GALNT10: variants seen among roughly 807,000 people sequenced by gnomAD.
GALNT10 encodes GalNAc transferase 10.
GALNT10 carries 41 observed loss-of-function variants against 75.0 expected under a neutral mutation model. That is an observed-to-expected ratio of 0.55 (90% CI 0.43 to 0.71). The LOEUF (loss-of-function observed/expected upper bound fraction) is 0.71, where lower values mean the gene tolerates loss of function less well. Ranked by LOEUF, GALNT10 falls within the 30% of genes least tolerant of loss-of-function variation. The pLI, the probability that GALNT10 is intolerant of heterozygous loss-of-function variation, is 0.00. For synonymous variants in GALNT10, 302 were observed against 313.0 expected, an observed-to-expected ratio of 0.96 and a Z score of 0.37; for missense variants, 727 against 818.5, an observed-to-expected ratio of 0.89 and a Z score of 1.36.
Position 154,191,009 on chromosome 5 carries a change from C to G in GALNT10, c.143C>G (p.Ala48Gly). 2 of 1,468,878 alleles carry G rather than the reference C, an allele frequency of 1.4e-6. No homozygotes were observed. The highest frequency in any genetic ancestry group is 1.8e-6 in the Non-Finnish European group (2 of 1,106,674). The allele number at this position is 1,468,878 out of a possible 1,614,324, so 91.0% of individuals were successfully genotyped here. A position where few individuals can be genotyped will look rare whatever the true frequency, so the allele number is the denominator to read the frequency against. Residue 48 changes from alanine to glycine, a missense_variant, in exon 1 of 12, where the codon GCG (alanine) becomes GGG (glycine). Physicochemically the swap from Ala to Gly is moderately conservative, Grantham distance 60. Coordinates refer to ENST00000297107, the MANE Select transcript of GALNT10 (RefSeq NM_198321.4). ...CCTGGGGGATCGGGGGCGGCGGTGG[C>G]GCCGGCGGCGGGACAGGTGAGTCCC... ...GTPGGSGAAV[A>G]PAAGQGSHSR...
chr5:154,244,028 TA>T (rs1753383520), intron 1 of GALNT10, among the ~76,000 whole-genome samples: 1 of 152,088 alleles, frequency 6.6e-6, no homozygotes, highest in African/African-American at 2.4e-5. Flanking sequence ...AGTGGGTGAG[TA>T]GCAGCACCAG....
rs371231988 is a variant in GALNT10, at chr5:154,239,494, G to C, written c.159+48469G>C. 5.5e-4 allele frequency among the ~76,000 whole-genome samples: 84 copies of C among 152,346 alleles called. No individual in the cohort carries two copies. The Middle Eastern group carries it at 0.01, about 19-fold the overall frequency. On this transcript the variant is annotated intron_variant, in intron 1 of 11. Transcript: ENST00000297107. The stretch of plus-strand genomic sequence containing the variant: ...GCCAAACCCTATGGTGAACGTGCAT[G>C]CAAGGGATCCAGGTTGCACACTATT...
chr5:154,311,423 C>T (rs544423310), intron 3 of GALNT10, among the ~76,000 whole-genome samples: 14 of 152,266 alleles, frequency 9.2e-5, no homozygotes, highest in African/African-American at 3.4e-4. Flanking sequence ...TGGGGAACAT[C>T]ACTAGCTCCA....
chr5:154,216,030 G>A (rs1752867697), intron 1 of GALNT10, among the ~76,000 whole-genome samples: 1 of 152,092 alleles, frequency 6.6e-6, no homozygotes, highest in South Asian at 2.1e-4. Flanking sequence ...CTGAAGTGGA[G>A]GGGAAACCTG....
intron 3 of GALNT10, among the ~76,000 whole-genome samples, chr5:154,323,202 G>A (rs533901551): frequency 5.3e-5 from 8 of 152,016 alleles, no homozygotes; most frequent in Non-Finnish European, 1.0e-4. Flanking sequence ...ATGTTGTTTC[G>A]TTTTGTTAAA....
In GALNT10 at chr5:154,283,155, C is replaced by T. The variant is rs868508902; in HGVS notation, c.160-11661C>T. 2.0e-5 allele frequency among the ~76,000 whole-genome samples: 3 copies of T among 151,682 alleles called. No individual in the cohort carries two copies. In the South Asian group the frequency reaches 6.2e-4, roughly 32 times the overall value. The stretch of plus-strand genomic sequence containing the variant: ...TATCTAAGAAATCGTTATATAAGAA[C>T]AAGAGAGGCTGGGCATGATGGCTCA... On this transcript the variant is annotated intron_variant, in intron 1 of 11. Transcript: ENST00000297107.
intron 4 of GALNT10, among the ~76,000 whole-genome samples, chr5:154,362,452 T>C (rs1694316976): frequency 6.6e-6 from 1 of 152,020 alleles, no homozygotes; most frequent in South Asian, 2.1e-4. Flanking sequence ...ACTGCTAGGG[T>C]AGGGGGAAAA....
In GALNT10 at chr5:154,420,133, G is replaced by C. The variant is rs1328716518; in HGVS notation, c.*3161G>C. On this transcript the variant is annotated 3_prime_UTR_variant, in exon 12 of 12. Coordinates refer to ENST00000297107, the MANE Select transcript of GALNT10 (RefSeq NM_198321.4). ...GCTGTTAAAACAGTCAGAAACTATT[G>C]ATTCTTCCCTTTAGGAAAAAATGCT... The C allele has an allele frequency of 6.6e-6, 1 of 152,158 alleles. No individual in the cohort carries two copies. Among genetic ancestry groups the C allele is most frequent in the Non-Finnish European group, 1.5e-5 (1 of 68,046 alleles). The allele number at this position is 152,158 out of a possible 1,614,324, so 9.4% of individuals were successfully genotyped here.
rs1754963418 is a variant in GALNT10, at chr5:154,337,524, T to C, written c.568+7786T>C. ...GGTACTAGAACTGCCATAGGCACCT[T>C]GGTTTCATGGTTTGGCGAAGTATTG... On this transcript the variant is annotated intron_variant, in intron 4 of 11. Transcript: ENST00000297107. 10 of 741,686 alleles carry C rather than the reference T, an allele frequency of 1.3e-5. No individual in the cohort carries two copies. In the Middle Eastern group the frequency reaches 1.1e-3, roughly 84 times the overall value. 45.9% of individuals were successfully genotyped at this position (741,686 alleles called of 1,614,324 possible). A position where few individuals can be genotyped will look rare whatever the true frequency, so the allele number is the denominator to read the frequency against.
intron 1 of GALNT10, among the ~76,000 whole-genome samples, chr5:154,256,052 GT>G (rs1753603772): frequency 6.6e-6 from 1 of 152,118 alleles, no homozygotes; most frequent in Non-Finnish European, 1.5e-5. Context: ...GAGAAGCCTG[GT>G]TATGGCTCCC....
chr5:154,411,724 T>G (rs1736702175), intron 9 of GALNT10, among the ~76,000 whole-genome samples: 1 of 152,240 alleles, frequency 6.6e-6, no homozygotes, highest in African/African-American at 2.4e-5. Context: ...TTTGGCTCTT[T>G]ACTAGTTTGT....
chr5:154,255,958 A>G (rs1190442157), intron 1 of GALNT10, among the ~76,000 whole-genome samples: 1 of 150,888 alleles, frequency 6.6e-6, no homozygotes, highest in East Asian at 1.9e-4. Context: ...TTAGTTTATC[A>G]TAGACTTGTG....
At position 154,298,133 on chromosome 5, in the gene GALNT10, G is replaced by A. The variant is rs950913184; in HGVS notation, c.401+54G>A. ...ATCTAAGGATGTTTCCCTGGCTGTT[G>A]TTGAGAATTAATTAAGGAAGCAGGT... On this transcript the variant is annotated intron_variant, in intron 3 of 11. Coordinates refer to ENST00000297107, the MANE Select transcript of GALNT10 (RefSeq NM_198321.4). This position sits in a 1 kb window ranked among gnomAD's most constrained non-coding sequence, Gnocchi z 4.1. 5 of 1,539,976 alleles carry A rather than the reference G, an allele frequency of 3.2e-6. No homozygotes were observed. Among genetic ancestry groups the A allele is most frequent in the Non-Finnish European group, 4.5e-6 (5 of 1,122,786 alleles).
intron 1 of GALNT10, among the ~76,000 whole-genome samples, chr5:154,201,061 G>T (rs1775020536): frequency 6.6e-6 from 1 of 152,108 alleles, no homozygotes; most frequent in African/African-American, 2.4e-5. Flanking sequence ...TTTGCTGGAT[G>T]TGGGAACAGC....
At chr5:154,196,203 G>A (rs142541468) in intron 1 of GALNT10, among the ~76,000 whole-genome samples, 17 of 152,290 alleles carry the variant, frequency 1.1e-4, no homozygotes, top group Non-Finnish European at 2.1e-4. Context: ...GATTACAGGC[G>A]TGAGCCACCA....
intron 3 of GALNT10, among the ~76,000 whole-genome samples, chr5:154,309,764 T>C (rs558173969): frequency 6.6e-6 from 1 of 152,338 alleles, no homozygotes; most frequent in South Asian, 2.1e-4. Flanking sequence ...AATCACGATT[T>C]TGATTGCAGA....
chr5:154,332,273 C>A (rs1174936285), intron 4 of GALNT10, among the ~76,000 whole-genome samples: 1 of 152,230 alleles, frequency 6.6e-6, no homozygotes, highest in African/African-American at 2.4e-5. Flanking sequence ...GCTGCCTGCT[C>A]TGAGCAGGCT....
chr5:154,289,196 C>T (rs60589951), intron 1 of GALNT10, among the ~76,000 whole-genome samples: 2,288 of 152,246 alleles, frequency 0.015, 51 homozygotes, highest in African/African-American at 0.053. Context: ...TAGGAGAGGA[C>T]CTAACTTTGT....
chr5:154,322,414 GT>G (rs1754689262), intron 3 of GALNT10, among the ~76,000 whole-genome samples: 5 of 152,040 alleles, frequency 3.3e-5, no homozygotes, highest in Admixed American at 3.3e-4. Context: ...AGACAGAAAG[GT>G]TCTCTGCTTT....
Sources: gnomAD v4.1 joint callset for allele counts (sites outside exome capture counted in the v4.1 genomes callset) on GRCh38, gnomAD v4.1.1 for gene constraint, Gnocchi (gnomAD v3.1) non-coding constraint, MANE v1.5 for transcripts, NCBI Gene and HGNC (gene_info 2026-07-23, HGNC 2026-07-21) for gene names.